MGAT4C: variants seen among roughly 807,000 people sequenced by gnomAD.
The protein encoded by MGAT4C is alpha-1,3-mannosyl-glycoprotein 4-beta-N-acetylglucosaminyltransferase C.
In MGAT4C, 19 loss-of-function variants were observed where a neutral mutation model predicts 40.1. The ratio of observed to expected loss-of-function variants is 0.47; its 90% confidence interval spans 0.33 to 0.70. The LOEUF (loss-of-function observed/expected upper bound fraction) is 0.70, where lower values mean the gene tolerates loss of function less well. MGAT4C is among the 30% of genes least tolerant of loss of function. The probability of loss-of-function intolerance (pLI) is 0.02; values close to 1 mark genes in which losing one functional copy is unlikely to be tolerated. For missense variants in MGAT4C, 491 were observed against 563.2 expected, an observed-to-expected ratio of 0.87 and a Z score of 1.30; for synonymous variants, 181 against 187.1, an observed-to-expected ratio of 0.97 and a Z score of 0.27.
intron 2 of MGAT4C, among the ~76,000 whole-genome samples, chr12:86,627,326 C>T (rs2136498355): frequency 6.6e-6 from 1 of 152,326 alleles, no homozygotes; most frequent in Middle Eastern, 3.4e-3. Flanking sequence ...GAAACTTCTG[C>T]AGACTTAAAC....
At chr12:86,071,426 G>A (rs551502005) in intron 1 of MGAT4C, among the ~76,000 whole-genome samples, 1 of 151,940 alleles carries the variant, frequency 6.6e-6, no homozygotes, top group African/African-American at 2.4e-5. Context: ...TTTGTAGTTG[G>A]CTTATAACAG....
At chr12:86,098,821 T>A (rs547783895) in intron 1 of MGAT4C, among the ~76,000 whole-genome samples, 2 of 151,746 alleles carry the variant, frequency 1.3e-5, no homozygotes, top group South Asian at 2.1e-4. Context: ...AGAGCTGCAT[T>A]TATATACTAA....
chr12:86,731,058 A>G (rs978789547), intron 1 of MGAT4C, among the ~76,000 whole-genome samples: 9 of 152,226 alleles, frequency 5.9e-5, no homozygotes, highest in Admixed American at 4.6e-4. Flanking sequence ...ATCTGATTCC[A>G]GTGGCTGTTC....
At chr12:86,532,864 G>A (rs953871184) in intron 2 of MGAT4C, among the ~76,000 whole-genome samples, 1 of 151,924 alleles carries the variant, frequency 6.6e-6, no homozygotes, top group Admixed American at 6.6e-5. Context: ...GATAGAGTTA[G>A]ATTTGACCTC....
intron 1 of MGAT4C, among the ~76,000 whole-genome samples, chr12:86,071,703 T>C (rs574800404): frequency 9.2e-5 from 14 of 152,226 alleles, no homozygotes; most frequent in African/African-American, 2.9e-4. Flanking sequence ...ATCTCAACAA[T>C]TGTATGAGTT....
intron 3 of MGAT4C, among the ~76,000 whole-genome samples, chr12:86,361,273 G>A (rs1172578976): frequency 2.0e-5 from 3 of 152,156 alleles, no homozygotes; most frequent in Non-Finnish European, 4.4e-5. Flanking sequence ...TGGGAATACT[G>A]GCTAGCCATA....
At chr12:86,590,427 G>T (rs1961281133) in intron 2 of MGAT4C, among the ~76,000 whole-genome samples, 1 of 151,730 alleles carries the variant, frequency 6.6e-6, no homozygotes, top group Non-Finnish European at 1.5e-5. Flanking sequence ...CACTACATAT[G>T]GCTTCATTTC....
At chr12:86,698,566 A>G (rs1950300617) in intron 2 of MGAT4C, among the ~76,000 whole-genome samples, 2 of 152,154 alleles carry the variant, frequency 1.3e-5, no homozygotes, top group Non-Finnish European at 2.9e-5. Flanking sequence ...TAGTACATTT[A>G]TATTAAACTT....
At chr12:86,358,206 A>G (rs893116948) in intron 3 of MGAT4C, among the ~76,000 whole-genome samples, 7 of 152,316 alleles carry the variant, frequency 4.6e-5, no homozygotes, top group South Asian at 4.1e-4. Context: ...TTTTCAACCC[A>G]GAATTTCATA....
intron 1 of MGAT4C, among the ~76,000 whole-genome samples, chr12:86,176,859 G>A (rs2135851178): frequency 6.8e-6 from 1 of 146,774 alleles, no homozygotes; most frequent in East Asian, 2.0e-4. Flanking sequence ...GGTAAGAAGA[G>A]ATCATATTTC....
intron 1 of MGAT4C, among the ~76,000 whole-genome samples, chr12:86,109,548 A>T (rs528798504): frequency 6.6e-6 from 1 of 152,192 alleles, no homozygotes; most frequent in Admixed American, 6.6e-5. Context: ...AAATGATGTT[A>T]TGTCAGTATT....
chr12:85,998,580 AATC>A (rs972421634), intron 2 of MGAT4C, among the ~76,000 whole-genome samples: 6 of 152,150 alleles, frequency 3.9e-5, no homozygotes, highest in Admixed American at 2.0e-4. Flanking sequence ...AGATACACTA[AATC>A]ATCTTTCTCA....
chr12:86,277,153 T>C (rs1226506151), intron 4 of MGAT4C, among the ~76,000 whole-genome samples: 2 of 152,222 alleles, frequency 1.3e-5, no homozygotes, highest in African/African-American at 4.8e-5. Flanking sequence ...TATCTCATTG[T>C]AGTTTTCATT....
At chr12:86,285,454 A>G (rs1188526092) in intron 4 of MGAT4C, among the ~76,000 whole-genome samples, 1 of 152,122 alleles carries the variant, frequency 6.6e-6, no homozygotes, top group Non-Finnish European at 1.5e-5. Context: ...CACAACATAC[A>G]CACAAAATGC....
chr12:86,689,241 T>C (rs1339812603), intron 2 of MGAT4C, among the ~76,000 whole-genome samples: 3 of 152,240 alleles, frequency 2.0e-5, no homozygotes, highest in Non-Finnish European at 2.9e-5. Context: ...TAGCAGTTCC[T>C]GTAACCTTTT....
intron 1 of MGAT4C, among the ~76,000 whole-genome samples, chr12:86,100,911 T>C (rs1204385561): frequency 1.3e-5 from 2 of 151,678 alleles, no homozygotes; most frequent in African/African-American, 2.4e-5. Context: ...GTGGCATACA[T>C]AATTGCAAGA....
At chr12:86,198,460 G>T (rs1418884192) in intron 1 of MGAT4C, among the ~76,000 whole-genome samples, 1 of 152,010 alleles carries the variant, frequency 6.6e-6, no homozygotes, top group African/African-American at 2.4e-5. Context: ...CTTTTTAGAT[G>T]AATTCATAAT....
At chr12:86,213,489 T>C (rs1052436446) in intron 1 of MGAT4C, among the ~76,000 whole-genome samples, 1 of 152,166 alleles carries the variant, frequency 6.6e-6, no homozygotes, top group East Asian at 1.9e-4. Flanking sequence ...TCATGGTGAA[T>C]AAAAATAATG....
chr12:86,769,338 G>C (rs1486946023), intron 1 of MGAT4C, among the ~76,000 whole-genome samples: 3 of 146,444 alleles, frequency 2.0e-5, no homozygotes, highest in Non-Finnish European at 4.6e-5. Flanking sequence ...ACACCAGTTA[G>C]AATGGCAATC....
Sources: allele counts gnomAD v4.1 joint callset (sites outside exome capture counted in the v4.1 genomes callset), GRCh38; gene constraint gnomAD v4.1.1; transcripts MANE v1.5; gene names NCBI Gene and HGNC (gene_info 2026-07-23, HGNC 2026-07-21).